Variants in IL36B observed in about 807,000 individuals in gnomAD.
IL36B encodes the protein interleukin-36 beta.
IL36B carries 23 observed loss-of-function variants against 19.3 expected under a neutral mutation model. The observed-to-expected ratio is 1.19, with a 90% CI of 0.86 to 1.69. IL36B has a LOEUF of 1.69. IL36B is among the 40% of genes most tolerant of loss of function. The pLI is 0.00. For synonymous variants in IL36B, 59 were observed against 59.7 expected (o/e 0.99, Z 0.05); for missense variants, 217 against 200.5 (o/e 1.08, Z -0.50).
chr2:113,022,917 C>T (rs1684888518), intron 5 of IL36B: 2 of 602,340 alleles, frequency 3.3e-6, no homozygotes, highest in South Asian at 2.0e-5. Context: ...CTCAGCCTTA[C>T]TCACTTGATT....
chr2:113,027,027 A>C (rs545587188), intron 4 of IL36B, among the ~76,000 whole-genome samples: 1 of 152,334 alleles, frequency 6.6e-6, no homozygotes, highest in African/African-American at 2.4e-5. Flanking sequence ...TGCCAATAAC[A>C]TAAACAGTCA....
intron 4 of IL36B, chr2:113,027,719 C>T (rs970979795): frequency 2.0e-5 from 29 of 1,423,988 alleles, no homozygotes; most frequent in African/African-American, 8.6e-5. Context: ...TAGTGACATT[C>T]GAGTGAGGGT....
chr2:113,039,032 A>G (rs1318275728), intron 1 of IL36B, among the ~76,000 whole-genome samples: 1 of 152,082 alleles, frequency 6.6e-6, no homozygotes, highest in African/African-American at 2.4e-5. Context: ...CTGTCCTTTA[A>G]GTTTAAGGGA....
rs34118137 is a variant in IL36B at position 113,042,814 on chromosome 2, G to A, written c.-58+10003C>T. 1.9e-3 allele frequency among the ~76,000 whole-genome samples: 283 copies of A among 152,276 alleles called. 3 individuals carry two copies. The highest frequency in any genetic ancestry group is 6.4e-3 in the African/African-American group (267 of 41,550). ...TCTCTTAAATTAATACCTAGAAGTGGAATGGCTGGATCATAGGGTTGGTAT... is the reference window on the plus strand; with the variant it reads ...TCTCTTAAATTAATACCTAGAAGTGAAATGGCTGGATCATAGGGTTGGTAT... On this transcript the variant is annotated intron_variant, in intron 1 of 5. Transcript: ENST00000259213.
rs116221862 is a variant in IL36B, at chr2:113,037,135, G to A, written c.-57-5369C>T. ...TCCCATGATGAGCGTGAGCATCTGT[G>A]TGGATCAGCGACCACAGTTGGAGGT... On this transcript the variant is annotated intron_variant, in intron 1 of 5. Coordinates refer to ENST00000259213, the MANE Select transcript of IL36B (RefSeq NM_014438.5). 1.9e-3 allele frequency among the ~76,000 whole-genome samples: 283 copies of A among 152,302 alleles called. 1 individual carries two copies. Among genetic ancestry groups the A allele is most frequent in the African/African-American group, 6.5e-3 (270 of 41,568 alleles).
Position 113,031,723 on chromosome 2 carries a change from C to T in IL36B, c.-14G>A. On this transcript the variant is annotated 5_prime_UTR_variant, in exon 2 of 6. Transcript: ENST00000259213. ...TTGTGGGTTCATGATGTCTTCAGAG[C>T]CTTTTGTGAAGAGAACAAGATAGAT... 4 of 1,607,118 alleles carry T rather than the reference C, an allele frequency of 2.5e-6. No individual in the cohort carries two copies. Among genetic ancestry groups the T allele is most frequent in the Non-Finnish European group, 3.4e-6 (4 of 1,174,036 alleles).
intron 1 of IL36B, among the ~76,000 whole-genome samples, chr2:113,048,545 G>A (rs1009224741): frequency 1.3e-5 from 2 of 152,072 alleles, no homozygotes; most frequent in African/African-American, 2.4e-5. Flanking sequence ...GAAGAAAGAC[G>A]TCAAATTAAT....
At chr2:113,023,802 C>T (rs1246155142) in intron 5 of IL36B, among the ~76,000 whole-genome samples, 1 of 152,130 alleles carries the variant, frequency 6.6e-6, no homozygotes, top group Non-Finnish European at 1.5e-5. Flanking sequence ...GTTAACTGAT[C>T]AGTTCTTTAA....
chr2:113,039,589 A>G (rs1306287614), intron 1 of IL36B, among the ~76,000 whole-genome samples: 4 of 152,220 alleles, frequency 2.6e-5, no homozygotes, highest in Non-Finnish European at 5.9e-5. Flanking sequence ...AGGAAAAACA[A>G]ACAAAACCAC....
chr2:113,041,255 T>C, intron 1 of IL36B, among the ~76,000 whole-genome samples: 1 of 151,334 alleles, frequency 6.6e-6, no homozygotes, highest in East Asian at 1.9e-4. Context: ...ATGACAAAAA[T>C]CAAGACAATG....
At chr2:113,039,941 C>G (rs990649971) in intron 1 of IL36B, among the ~76,000 whole-genome samples, 1 of 152,176 alleles carries the variant, frequency 6.6e-6, no homozygotes, top group Non-Finnish European at 1.5e-5. Context: ...AGTAGTCACT[C>G]GGGGAAAATC....
At chr2:113,028,275 C>T (rs893869320) in intron 4 of IL36B, among the ~76,000 whole-genome samples, 160 bp from the exon 5 acceptor site, 2 of 152,120 alleles carry the variant, frequency 1.3e-5, no homozygotes, top group African/African-American at 4.8e-5. Flanking sequence ...GTGTTAAAAA[C>T]GGGAACTCAC....
At chr2:113,039,373 C>T (rs547177788) in intron 1 of IL36B, among the ~76,000 whole-genome samples, 4 of 152,194 alleles carry the variant, frequency 2.6e-5, no homozygotes, top group African/African-American at 4.8e-5. Context: ...CCACCCTCAC[C>T]GTGGCACAGT....
At chr2:113,027,833 G>A (rs1684991788) in intron 4 of IL36B, 2 of 1,581,196 alleles carry the variant, frequency 1.3e-6, no homozygotes, top group Admixed American at 3.6e-5. Context: ...GTCGCATAAT[G>A]ATCTGTTAAG....
At chr2:113,033,921 A>G (rs1477420639) in intron 1 of IL36B, among the ~76,000 whole-genome samples, 1 of 152,166 alleles carries the variant, frequency 6.6e-6, no homozygotes, top group East Asian at 1.9e-4. Flanking sequence ...CCTACTCCCA[A>G]TCACTCTTTG....
chr2:113,036,975 G>C (rs1469102532), intron 1 of IL36B, among the ~76,000 whole-genome samples: 2 of 152,284 alleles, frequency 1.3e-5, no homozygotes, highest in East Asian at 3.8e-4. Flanking sequence ...TAGAGTCACA[G>C]TAACTGTGGT....
At chr2:113,046,037 T>A (rs1164118385) in intron 1 of IL36B, among the ~76,000 whole-genome samples, 3 of 152,226 alleles carry the variant, frequency 2.0e-5, no homozygotes, top group South Asian at 2.1e-4. Context: ...AGTACTTTTT[T>A]AATACATAAT....
chr2:113,040,984 T>C (rs34702403), intron 1 of IL36B, among the ~76,000 whole-genome samples: 1 of 152,046 alleles, frequency 6.6e-6, no homozygotes, highest in Non-Finnish European at 1.5e-5. Flanking sequence ...AGCAACACCC[T>C]GTCTCTAAAA....
At chr2:113,027,838 G>A in intron 4 of IL36B, 1 of 1,590,176 alleles carries the variant, frequency 6.3e-7, no homozygotes. Flanking sequence ...ATAATGATCT[G>A]TTAAGATGAC....
Sources: gnomAD v4.1 joint callset for allele counts (sites outside exome capture counted in the v4.1 genomes callset) on GRCh38, gnomAD v4.1.1 for gene constraint, MANE v1.5 for transcripts, NCBI Gene and HGNC (gene_info 2026-07-23, HGNC 2026-07-21) for gene names.